ZNF99: variants seen among roughly 807,000 people sequenced by gnomAD.
The protein encoded by ZNF99 is zinc finger protein ENSP00000375192.
ZNF99 carries 8 observed loss-of-function variants against 12.8 expected under a neutral mutation model. The ratio of observed to expected loss-of-function variants is 0.62; its 90% CI spans 0.37 to 1.13. ZNF99 has a LOEUF of 1.13. ZNF99 is among the 50% of genes most tolerant of loss of function. The pLI is 0.02. For missense variants in ZNF99, 1,007 were observed against 1,006.2 expected, an observed-to-expected ratio of 1.00 and a Z score of -0.01; for synonymous variants, 318 against 319.0, an observed-to-expected ratio of 1.00 and a Z score of 0.03.
intron 3 of ZNF99, among the ~76,000 whole-genome samples, chr19:22,763,068 C>A (rs182693227): frequency 2.0e-5 from 3 of 151,996 alleles, no homozygotes; most frequent in Admixed American, 2.0e-4. Context: ...CCTCTGAGGA[C>A]TGGAACAAGA....
rs1202737743 is a variant in ZNF99 at position 22,754,119 on chromosome 19, C to A, written c.*3195G>T. On this transcript the variant is annotated 3_prime_UTR_variant, in exon 4 of 4. Coordinates refer to ENST00000596209, the MANE Select transcript of ZNF99 (RefSeq NM_001080409.3). ...TGCTTGTAATCCCAGCACTTTGGGG[C>A]ACTTTGGGAGGCCAAGGCGGGTGGA... is the stretch of plus-strand genomic sequence containing the variant. 1 of 454,168 alleles carries A rather than the reference C, an allele frequency of 2.2e-6. No individual in the cohort carries two copies. The highest frequency in any genetic ancestry group is 2.0e-5 in the African/African-American group (1 of 50,010). 28.1% of individuals were successfully genotyped at this position (454,168 alleles called of 1,614,324 possible).
Position 22,756,419 on chromosome 19 carries a change from G to A in ZNF99, c.*895C>T, listed in dbSNP as rs1322369618. ...AATTATCTTATGTTTAGTAAGGTTT[G>A]AGGACTAAATGCTTTACCACACTCT... On this transcript the variant is annotated 3_prime_UTR_variant, in exon 4 of 4. Coordinates refer to ENST00000596209, the MANE Select transcript of ZNF99 (RefSeq NM_001080409.3). The A allele has an allele frequency of 6.3e-7, 1 of 1,588,556 alleles. No individual in the cohort carries two copies. Among genetic ancestry groups the A allele is most frequent in the East Asian group, 2.3e-5 (1 of 43,762 alleles).
intron 3 of ZNF99, among the ~76,000 whole-genome samples, chr19:22,765,496 T>TA (rs200708963): frequency 2.1e-5 from 3 of 145,014 alleles, no homozygotes; most frequent in Admixed American, 1.4e-4. Flanking sequence ...ATAAAATAAA[T>TA]AAAAAAAAAT....
At position 22,770,492 on chromosome 19, in the gene ZNF99, G is replaced by C. The variant is rs191084288; in HGVS notation, c.4-1168C>G. 3 of 152,616 alleles carry C rather than the reference G, an allele frequency of 2.0e-5. No homozygotes were observed. The South Asian group carries it at 6.2e-4, about 32-fold the overall frequency. 9.5% of individuals were successfully genotyped at this position (152,616 alleles called of 1,614,324 possible). ...CTGCCTCAGCCTCCCGGGTAGCTGG[G>C]ACTACAGGCGCGTGCCACCACGCGC... On this transcript the variant is annotated intron_variant, in intron 1 of 3. Transcript: ENST00000596209.
chr19:22,758,176 G>T lies in ZNF99; in HGVS notation c.1733C>A (p.Ser578Ter), dbSNP rs377267804. 6.2e-6 allele frequency: 10 copies of T among 1,613,484 alleles called. No homozygotes were observed. The highest frequency in any genetic ancestry group is 1.3e-5 in the African/African-American group (1 of 74,876). Residue 578 changes from serine to a stop codon, truncating the protein, a stop_gained, in exon 4 of 4, where the codon TCA (serine) becomes TAA (stop). Transcript: ENST00000596209. LOFTEE classifies it low-confidence loss of function (END_TRUNC). ...EECGKAFKQS[S>*]HLTRHKAIHT... ...AATTGCTTTATGTCTAGTAAGATGT[G>T]AAGATTGCTTAAAAGCTTTGCCACA...
At chr19:22,783,212 G>T (rs537060966) in intron 1 of ZNF99, among the ~76,000 whole-genome samples, 1 of 152,152 alleles carries the variant, frequency 6.6e-6, no homozygotes, top group South Asian at 2.1e-4. Flanking sequence ...CCTGGGAGGC[G>T]GAAGTTGCGT....
In ZNF99 at chr19:22,757,375, G is replaced by T; in HGVS notation, c.2534C>A (p.Ala845Glu). ...AAGCTTTGCCACATTCTTCACATTT[G>T]CAGGGTTTCTCTCCATATGAATTAC... ...HKVIHMERNPANVKNVAKLLN... is the reference protein window; with the variant it reads ...HKVIHMERNPENVKNVAKLLN... Residue 845 changes from alanine to glutamate, a missense_variant, in exon 4 of 4, where the codon GCA (alanine) becomes GAA (glutamate). Physicochemically the swap from Ala to Glu is moderately radical, Grantham distance 107. Transcript: ENST00000596209. 6.2e-7 allele frequency: 1 copy of T among 1,608,718 alleles called. No individual in the cohort carries two copies. Among genetic ancestry groups the T allele is most frequent in the South Asian group, 1.1e-5 (1 of 90,740 alleles).
chr19:22,783,144 G>C (rs1209402999), intron 1 of ZNF99, among the ~76,000 whole-genome samples: 2 of 152,056 alleles, frequency 1.3e-5, no homozygotes, highest in Non-Finnish European at 2.9e-5. Context: ...GCCGGGTGTG[G>C]TGGCGGATGC....
rs1972981528 is a variant in ZNF99, at chr19:22,752,437, C to A, written c.*4877G>T. ...GAAATATATCTACACACTATGTACC[C>A]ATAAAAGTTAAGAAAAATAAGTTTA... On this transcript the variant is annotated 3_prime_UTR_variant, in exon 4 of 4. Coordinates refer to ENST00000596209, the MANE Select transcript of ZNF99 (RefSeq NM_001080409.3). 1 of 147,934 alleles carries A rather than the reference C, an allele frequency of 6.8e-6. No individual in the cohort carries two copies. Among genetic ancestry groups the A allele is most frequent in the Non-Finnish European group, 1.5e-5 (1 of 67,110 alleles). The allele number at this position is 147,934 out of a possible 1,614,324, so 9.2% of individuals were successfully genotyped here. A position where few individuals can be genotyped will look rare whatever the true frequency, so the allele number is the denominator to read the frequency against.
In ZNF99 at chr19:22,755,350, T is replaced by C; in HGVS notation, c.*1964A>G. On this transcript the variant is annotated 3_prime_UTR_variant, in exon 4 of 4. Transcript: ENST00000596209. The stretch of plus-strand genomic sequence containing the variant: ...AAGGTCTGAAAACCAGTTAAAAGCT[T>C]TGCCACAGTTTTCATATTTGTAGGG... 3.7e-6 allele frequency: 1 copy of C among 270,858 alleles called. No homozygotes were observed. Among genetic ancestry groups the C allele is most frequent in the Non-Finnish European group, 7.6e-6 (1 of 130,932 alleles). 16.8% of individuals were successfully genotyped at this position (270,858 alleles called of 1,614,324 possible). A position where few individuals can be genotyped will look rare whatever the true frequency, so the allele number is the denominator to read the frequency against.
chr19:22,769,347 A>C (rs749707174), intron 1 of ZNF99, 23 bp from the exon 2 acceptor site: 1 of 1,588,294 alleles, frequency 6.3e-7, no homozygotes, highest in Non-Finnish European at 8.5e-7. Context: ...ACAAAGATAC[A>C]TATAGATTTC....
intron 3 of ZNF99, among the ~76,000 whole-genome samples, chr19:22,759,996 G>A (rs1973132779): frequency 6.6e-6 from 1 of 152,162 alleles, no homozygotes; most frequent in African/African-American, 2.4e-5. Flanking sequence ...ATGACATGGT[G>A]TCGTTAGAAG....
In ZNF99 at chr19:22,753,228, T is replaced by C. The variant is rs983606682; in HGVS notation, c.*4086A>G. The C allele has an allele frequency of 5.3e-5, 8 of 152,024 alleles. No homozygotes were observed. The highest frequency in any genetic ancestry group is 1.0e-4 in the Non-Finnish European group (7 of 67,948). 9.4% of individuals were successfully genotyped at this position (152,024 alleles called of 1,614,324 possible). A position where few individuals can be genotyped will look rare whatever the true frequency, so the allele number is the denominator to read the frequency against. ...TATACTTCAAATGTAATTATAATTC[T>C]CCAAAAAATCACCTCCTCTTTTTTA... On this transcript the variant is annotated 3_prime_UTR_variant, in exon 4 of 4. Coordinates refer to ENST00000596209, the MANE Select transcript of ZNF99 (RefSeq NM_001080409.3).
In ZNF99 at chr19:22,784,091, C is replaced by G; in HGVS notation, c.-75G>C. On this transcript the variant is annotated 5_prime_UTR_variant, in exon 1 of 4. Coordinates refer to ENST00000596209, the MANE Select transcript of ZNF99 (RefSeq NM_001080409.3). ...CCTACAGGTCACAGGGCCACAGAGG[C>G]TAAGGACACAGAGCAGTAAAAACGA... 2 of 1,564,566 alleles carry G rather than the reference C, an allele frequency of 1.3e-6. No homozygotes were observed. Among genetic ancestry groups the G allele is most frequent in the South Asian group, 1.1e-5 (1 of 89,026 alleles).
chr19:22,773,467 G>A (rs1973294117), intron 1 of ZNF99, among the ~76,000 whole-genome samples: 1 of 152,174 alleles, frequency 6.6e-6, no homozygotes, highest in East Asian at 1.9e-4. Context: ...ATAGCACCAT[G>A]TCATACATAG....
intron 1 of ZNF99, among the ~76,000 whole-genome samples, chr19:22,777,964 G>A (rs950802671): frequency 2.2e-5 from 3 of 136,016 alleles, no homozygotes; most frequent in African/African-American, 5.5e-5. Context: ...ATTGAATAAT[G>A]AGAACACTTG....
chr19:22,754,013 T>C lies in ZNF99; in HGVS notation c.*3301A>G. 3 of 456,070 alleles carry C rather than the reference T, an allele frequency of 6.6e-6. No individual in the cohort carries two copies. The highest frequency in any genetic ancestry group is 4.6e-5 in the South Asian group (3 of 64,552). The allele number at this position is 456,070 out of a possible 1,614,324, so 28.3% of individuals were successfully genotyped here. ...GTTCTCAAGAGCACTGTCATGTCTT[T>C]TAGGTTTGTAGAGCTTCTCTCCAGT... On this transcript the variant is annotated 3_prime_UTR_variant, in exon 4 of 4. Transcript: ENST00000596209.
At chr19:22,766,091 G>A (rs1483053837) in intron 3 of ZNF99, among the ~76,000 whole-genome samples, 1 of 151,308 alleles carries the variant, frequency 6.6e-6, no homozygotes, top group Non-Finnish European at 1.5e-5. Context: ...TATAGTTTTT[G>A]TATTCAATTA....
rs1972986608 is a variant in ZNF99 at position 22,752,766 on chromosome 19, T to A, written c.*4548A>T. 6.6e-6 allele frequency: 1 copy of A among 152,084 alleles called. No individual in the cohort carries two copies. The highest frequency in any genetic ancestry group is 2.1e-4 in the South Asian group (1 of 4,838). The allele number at this position is 152,084 out of a possible 1,614,324, so 9.4% of individuals were successfully genotyped here. On this transcript the variant is annotated 3_prime_UTR_variant, in exon 4 of 4. Coordinates refer to ENST00000596209, the MANE Select transcript of ZNF99 (RefSeq NM_001080409.3). ...TACATATAATCTAAAAATTTATGAATGTACTACATTACATAAAAGCACAAC... is the reference window on the plus strand; with the variant it reads ...TACATATAATCTAAAAATTTATGAAAGTACTACATTACATAAAAGCACAAC...
Sources: gnomAD v4.1 joint callset for allele counts (sites outside exome capture counted in the v4.1 genomes callset) on GRCh38, gnomAD v4.1.1 for gene constraint, MANE v1.5 for transcripts, NCBI Gene and HGNC (gene_info 2026-07-23, HGNC 2026-07-21) for gene names.